NPAS2: variants seen among roughly 807,000 people sequenced by gnomAD.
The protein encoded by NPAS2 is neuronal PAS domain protein 2.
Under a neutral mutation model 107.5 loss-of-function variants are expected in NPAS2, and 23 were observed. The observed-to-expected ratio is 0.21, with a 90% CI of 0.15 to 0.30. The LOEUF (loss-of-function observed/expected upper bound fraction) is 0.30, where lower values mean the gene tolerates loss of function less well. NPAS2 is among the 10% of genes least tolerant of loss of function. The probability of loss-of-function intolerance (pLI) is 1.00; values close to 1 mark genes in which losing one functional copy is unlikely to be tolerated. For missense variants in NPAS2, 756 were observed against 1,043.3 expected, an observed-to-expected ratio of 0.72 and a Z score of 3.79; for synonymous variants, 403 against 417.5, an observed-to-expected ratio of 0.97 and a Z score of 0.42.
chr2:100,904,710 AATT>A lies in NPAS2; in HGVS notation c.-22-22_-22-20del. ...CAGACAGTAATTATCCATTCTTTTT[AATT>A]TTTTTTTTTTTTTTTGCAGGAAAAA... is the stretch of plus-strand genomic sequence containing the variant. On this transcript the variant is annotated intron_variant, in intron 1 of 20. Transcript: ENST00000335681. The A allele has an allele frequency of 9.2e-7, 1 of 1,092,854 alleles. No individual in the cohort carries two copies. The highest frequency in any genetic ancestry group is 1.4e-5 in the South Asian group (1 of 71,964). The allele number at this position is 1,092,854 out of a possible 1,614,324, so 67.7% of individuals were successfully genotyped here. A position where few individuals can be genotyped will look rare whatever the true frequency, so the allele number is the denominator to read the frequency against.
chr2:100,850,028 AAAAAAAAAAGC>A (rs1040027300), intron 1 of NPAS2, among the ~76,000 whole-genome samples: 6 of 134,184 alleles, frequency 4.5e-5, no homozygotes, highest in South Asian at 5.2e-4. Flanking sequence ...AAAAAAAAAA[AAAAAAAAAAGC>A]AAGAGAAAAT....
At chr2:100,827,187 T>G (rs986919727) in intron 1 of NPAS2, among the ~76,000 whole-genome samples, 5 of 152,156 alleles carry the variant, frequency 3.3e-5, no homozygotes, top group Non-Finnish European at 7.4e-5. Context: ...CCTGAGGAGA[T>G]GACCTTCCAG....
At chr2:100,830,260 T>G (rs1676649191) in intron 1 of NPAS2, among the ~76,000 whole-genome samples, 1 of 152,212 alleles carries the variant, frequency 6.6e-6, no homozygotes, top group Admixed American at 6.5e-5. Flanking sequence ...AATGCCTATA[T>G]TTTTTGGCAT....
intron 1 of NPAS2, among the ~76,000 whole-genome samples, chr2:100,828,254 G>A (rs1676510093): frequency 6.6e-6 from 1 of 151,410 alleles, no homozygotes; most frequent in South Asian, 2.1e-4. Context: ...TATGGTTTTT[G>A]TTTTTTTTGC....
At chr2:100,922,965 G>T (rs1683330744) in intron 2 of NPAS2, among the ~76,000 whole-genome samples, 1 of 152,152 alleles carries the variant, frequency 6.6e-6, no homozygotes. Flanking sequence ...GGCAAACTAG[G>T]ACAGGAACAG....
chr2:100,861,577 G>A (rs879843313), intron 1 of NPAS2, among the ~76,000 whole-genome samples: 4 of 152,164 alleles, frequency 2.6e-5, no homozygotes, highest in Admixed American at 2.6e-4. Flanking sequence ...GCAGTCATGT[G>A]AGGGGCAGGT....
intron 7 of NPAS2, among the ~76,000 whole-genome samples, chr2:100,953,650 G>A (rs565300819): frequency 4.6e-5 from 7 of 152,266 alleles, no homozygotes; most frequent in Non-Finnish European, 7.4e-5. Flanking sequence ...GGAGGAAATG[G>A]ACACGTAGAA....
chr2:100,852,294 G>T (rs1369684972), intron 1 of NPAS2, among the ~76,000 whole-genome samples: 1 of 152,142 alleles, frequency 6.6e-6, no homozygotes, highest in African/African-American at 2.4e-5. Context: ...CTAATCGGGA[G>T]GCTGAGGCAG....
chr2:100,893,406 G>T (rs1319003263), intron 1 of NPAS2, among the ~76,000 whole-genome samples: 1 of 152,054 alleles, frequency 6.6e-6, no homozygotes, highest in African/African-American at 2.4e-5. Flanking sequence ...TTTTTCTTTT[G>T]ATTAAATTCT....
chr2:100,909,705 T>A (rs1237582166), intron 2 of NPAS2, among the ~76,000 whole-genome samples: 1 of 151,262 alleles, frequency 6.6e-6, no homozygotes, highest in Non-Finnish European at 1.5e-5. Flanking sequence ...GGGGAAAAAA[T>A]GGCAGTAAAA....
chr2:100,995,935 C>T lies in NPAS2; in HGVS notation c.*353C>T, dbSNP rs1010945769. The T allele has an allele frequency of 2.5e-5, 34 of 1,384,668 alleles. No individual in the cohort carries two copies. In the East Asian group the frequency reaches 4.2e-4, roughly 17 times the overall value. 85.8% of individuals were successfully genotyped at this position (1,384,668 alleles called of 1,614,324 possible). ...CCGGTTGCTCTAGCCACCTGCGGCC[C>T]GCCCATCTGCGCTAGCTGGCCTTCA... On this transcript the variant is annotated 3_prime_UTR_variant, in exon 21 of 21. Transcript: ENST00000335681.
At chr2:100,876,310 A>G (rs763932693) in intron 1 of NPAS2, among the ~76,000 whole-genome samples, 6 of 152,322 alleles carry the variant, frequency 3.9e-5, no homozygotes, top group Non-Finnish European at 8.8e-5. Flanking sequence ...GCCAGAACGC[A>G]TTGCGTGGAG....
chr2:100,857,027 C>T lies in NPAS2; in HGVS notation c.-23+36613C>T, dbSNP rs571917921. ...AGCTTAAGATGTTGTCATTCCTGGCCGGGCACAGTGGCTTACGCCTATAAT... is the reference window on the plus strand; with the variant it reads ...AGCTTAAGATGTTGTCATTCCTGGCTGGGCACAGTGGCTTACGCCTATAAT... On this transcript the variant is annotated intron_variant, in intron 1 of 20. Coordinates refer to ENST00000335681, the MANE Select transcript of NPAS2 (RefSeq NM_002518.4). Among the ~76,000 whole-genome samples, 225 of 152,230 alleles carry T rather than the reference C, an allele frequency of 1.5e-3. 1 individual carries two copies. The highest frequency in any genetic ancestry group is 5.2e-3 in the African/African-American group (218 of 41,540).
In NPAS2 at chr2:100,925,318, T is replaced by C. The variant is rs763979811; in HGVS notation, c.181+24T>C. 8.7e-6 allele frequency: 14 copies of C among 1,611,764 alleles called. No individual in the cohort carries two copies. The East Asian group carries it at 3.1e-4, about 36-fold the overall frequency. On this transcript the variant is annotated intron_variant, in intron 3 of 20. Coordinates refer to ENST00000335681, the MANE Select transcript of NPAS2 (RefSeq NM_002518.4). ...TGGTAAAGGTCACCCTTCTCTCTGT[T>C]TTTTTTCCACCCTGCCCCGTCCATG...
Position 100,961,749 on chromosome 2 carries a change from A to G in NPAS2, c.599-2309A>G, listed in dbSNP as rs150684817. On this transcript the variant is annotated intron_variant, in intron 7 of 20. Coordinates refer to ENST00000335681, the MANE Select transcript of NPAS2 (RefSeq NM_002518.4). ...AATCTTTTTCTGTCCCCTTCTCCTC[A>G]TCACAGTGAATCAGGGGAAGGCATT... Among the ~76,000 whole-genome samples the G allele has an allele frequency of 1.4e-3, 212 of 152,262 alleles. 5 individuals carry two copies. The East Asian group carries it at 0.033, about 23-fold the overall frequency.
chr2:100,959,089 C>CA (rs758460503), intron 7 of NPAS2, among the ~76,000 whole-genome samples: 893 of 47,474 alleles, frequency 0.019, 12 homozygotes, highest in African/African-American at 0.055. Flanking sequence ...CCCATCTCTT[C>CA]AAAAAAAAAA....
chr2:100,889,986 A>C (rs1031283844), intron 1 of NPAS2, among the ~76,000 whole-genome samples: 7 of 152,086 alleles, frequency 4.6e-5, no homozygotes, highest in Non-Finnish European at 7.4e-5. Flanking sequence ...TATGTAGAGC[A>C]ACTAGAAGGA....
chr2:100,964,379 G>A (rs897555518), intron 8 of NPAS2, among the ~76,000 whole-genome samples: 1 of 152,190 alleles, frequency 6.6e-6, no homozygotes, highest in Non-Finnish European at 1.5e-5. Context: ...TTTGAAGGCA[G>A]CATCGCTTGC....
chr2:100,938,246 G>A (rs181018349), intron 5 of NPAS2, among the ~76,000 whole-genome samples: 196 of 152,288 alleles, frequency 1.3e-3, no homozygotes, highest in African/African-American at 4.5e-3. Flanking sequence ...GTTGAAACAC[G>A]GTTTGGGGCT....
Sources: allele counts gnomAD v4.1 joint callset (sites outside exome capture counted in the v4.1 genomes callset), GRCh38; gene constraint gnomAD v4.1.1; transcripts MANE v1.5; gene names NCBI Gene and HGNC (gene_info 2026-07-23, HGNC 2026-07-21).